Variants in WWC2 observed in about 807,000 individuals in gnomAD.
The protein encoded by WWC2 is WW and C2 domain containing 2.
WWC2 carries 101 observed loss-of-function variants against 138.5 expected under a neutral mutation model. That is an observed-to-expected ratio of 0.73 (90% CI 0.62 to 0.86). The LOEUF is 0.86. Among genes scored for constraint, WWC2 ranks in the 40% least tolerant of loss-of-function variants. The pLI, the probability that WWC2 is intolerant of heterozygous loss-of-function variation, is 0.00. For missense variants in WWC2, 1,420 were observed against 1,419.4 expected, an observed-to-expected ratio of 1.00 and a Z score of -0.01; for synonymous variants, 558 against 538.4, an observed-to-expected ratio of 1.04 and a Z score of -0.50.
intron 1 of WWC2, among the ~76,000 whole-genome samples, chr4:183,110,357 A>C (rs1242976165): frequency 6.6e-6 from 1 of 152,186 alleles, no homozygotes; most frequent in African/African-American, 2.4e-5. Context: ...ATGATCAAGC[A>C]AAAAATTATT....
At chr4:183,185,002 C>G (rs977645681) in intron 1 of WWC2, among the ~76,000 whole-genome samples, 16 of 152,164 alleles carry the variant, frequency 1.1e-4, no homozygotes, top group African/African-American at 3.9e-4. Flanking sequence ...TCTCCATCAC[C>G]TGGTTGGATT....
In WWC2 at chr4:183,279,584, C is replaced by T. The variant is rs374659550; in HGVS notation, c.2563-1192C>T. Among the ~76,000 whole-genome samples the T allele has an allele frequency of 4.0e-4, 61 of 152,210 alleles. No individual in the cohort carries two copies. The South Asian group carries it at 0.01, about 26-fold the overall frequency. ...TCCTCCTTGTACTTCTGGTAGAATT[C>T]GGCTGTGAATCCATCTGGTCCTGGA... On this transcript the variant is annotated intron_variant, in intron 16 of 22. Coordinates refer to ENST00000403733, the MANE Select transcript of WWC2 (RefSeq NM_024949.6).
chr4:183,280,625 T>A, intron 16 of WWC2, 151 bp from the exon 17 acceptor site: 2 of 891,462 alleles, frequency 2.2e-6, no homozygotes, highest in South Asian at 3.7e-5. Flanking sequence ...TTTGCTTGTT[T>A]TGGGTTCTAT....
intron 1 of WWC2, among the ~76,000 whole-genome samples, chr4:183,146,792 G>C (rs1459847798): frequency 6.6e-6 from 1 of 152,240 alleles, no homozygotes; most frequent in Non-Finnish European, 1.5e-5. Context: ...AAATGAGTTG[G>C]TGAAGCCAAA....
At chr4:183,247,795 T>C (rs1736848205) in intron 6 of WWC2, among the ~76,000 whole-genome samples, 1 of 138,586 alleles carries the variant, frequency 7.2e-6, no homozygotes, top group Non-Finnish European at 1.6e-5. Context: ...ATTATATATA[T>C]AGTATATAGT....
At chr4:183,308,639 T>C (rs1199196080) in intron 21 of WWC2, among the ~76,000 whole-genome samples, 2 of 152,202 alleles carry the variant, frequency 1.3e-5, no homozygotes, top group African/African-American at 2.4e-5. Flanking sequence ...AAGTCCTTTA[T>C]ATAATATGGT....
chr4:183,262,634 A>T (rs1296928829), intron 11 of WWC2, among the ~76,000 whole-genome samples: 1 of 152,190 alleles, frequency 6.6e-6, no homozygotes, highest in Non-Finnish European at 1.5e-5. Context: ...TCCTGGGGAG[A>T]TGTCAAAGCT....
At chr4:183,175,819 T>G in intron 1 of WWC2, among the ~76,000 whole-genome samples, 1 of 152,260 alleles carries the variant, frequency 6.6e-6, no homozygotes, top group Non-Finnish European at 1.5e-5. Context: ...TTTAATGGTT[T>G]GTTTTTCTAA....
chr4:183,282,825 G>A lies in WWC2; in HGVS notation c.2802G>A (p.Glu934=). 1 of 1,590,946 alleles carries A rather than the reference G, an allele frequency of 6.3e-7. No individual in the cohort carries two copies. Among genetic ancestry groups the A allele is most frequent in the Middle Eastern group, 1.7e-4 (1 of 6,032 alleles). ...EDLSSCTSVP[E]MNEDGNRKES... ...TAAGTTCATGCACTAGTGTGCCTGAGATGAATGAAGACGGGAACAGGAAAG... is the reference window on the plus strand; with the variant it reads ...TAAGTTCATGCACTAGTGTGCCTGAAATGAATGAAGACGGGAACAGGAAAG... Residue 934 remains glutamate, a synonymous_variant, in exon 18 of 23, where the codon GAG becomes GAA. Transcript: ENST00000403733.
At chr4:183,153,230 T>C (rs1007669729) in intron 1 of WWC2, among the ~76,000 whole-genome samples, 4 of 152,198 alleles carry the variant, frequency 2.6e-5, no homozygotes, top group Non-Finnish European at 5.9e-5. Context: ...TTTGGGACTT[T>C]TAGGCTGTTG....
intron 2 of WWC2, among the ~76,000 whole-genome samples, chr4:183,207,560 T>TGC (rs1735481176): frequency 6.6e-6 from 1 of 152,186 alleles, no homozygotes; most frequent in South Asian, 2.1e-4. Context: ...CTTTGATTAG[T>TGC]GCTGATGCAG....
intron 2 of WWC2, among the ~76,000 whole-genome samples, chr4:183,194,467 ATTATT>A (rs1400142819): frequency 1.3e-5 from 2 of 152,204 alleles, no homozygotes; most frequent in Admixed American, 1.3e-4. Flanking sequence ...CTTAAAAATA[ATTATT>A]TTATTTTTAT....
rs529225723 is a variant in WWC2, at chr4:183,133,055, T to TCTTTTTCTTTTTCCTTCCCTCTTCC, written c.131+33434_131+33435insTTTTTCTTTTTCCTTCCCTCTTCCC. 4.1e-3 allele frequency among the ~76,000 whole-genome samples: 603 copies of TCTTTTTCTTTTTCCTTCCCTCTTCC among 146,736 alleles called. 5 individuals carry two copies. The highest frequency in any genetic ancestry group is 0.015 in the African/African-American group (570 of 38,148). ...TCCTTTTCTTTTCCCTTCCCTTTTT[T>TCTTTTTCTTTTTCCTTCCCTCTTCC]CCTTTTCTTTTTCCTTCCCTCTTCC... On this transcript the variant is annotated intron_variant, in intron 1 of 22. Transcript: ENST00000403733.
At chr4:183,236,349 C>T (rs1057356715) in intron 4 of WWC2, among the ~76,000 whole-genome samples, 3 of 152,124 alleles carry the variant, frequency 2.0e-5, no homozygotes, top group Admixed American at 6.5e-5. Context: ...CCCAGAATCA[C>T]GGCAGACTCA....
chr4:183,099,736 C>G, intron 1 of WWC2, 114 bp downstream of exon 1: 1 of 1,058,322 alleles, frequency 9.4e-7, no homozygotes, highest in Non-Finnish European at 1.2e-6. Context: ...CGAGGGGTCC[C>G]GGGAGGGATG....
chr4:183,284,680 CT>C (rs1738190134), intron 19 of WWC2, among the ~76,000 whole-genome samples: 1 of 152,148 alleles, frequency 6.6e-6, no homozygotes, highest in Non-Finnish European at 1.5e-5. Context: ...GGACTTCGGT[CT>C]GTATTTAGAA....
At chr4:183,206,698 C>T (rs1013556113) in intron 2 of WWC2, among the ~76,000 whole-genome samples, 10 of 152,118 alleles carry the variant, frequency 6.6e-5, no homozygotes, top group African/African-American at 2.4e-4. Flanking sequence ...TCTTTCACAG[C>T]AGAGGGGTCC....
intron 21 of WWC2, among the ~76,000 whole-genome samples, chr4:183,302,611 G>A (rs1738883499): frequency 6.6e-6 from 1 of 152,154 alleles, no homozygotes; most frequent in Non-Finnish European, 1.5e-5. Context: ...TGAGAATTGG[G>A]AGGGAAAGTG....
At chr4:183,226,678 C>A (rs1423639623) in intron 4 of WWC2, among the ~76,000 whole-genome samples, 7 of 151,968 alleles carry the variant, frequency 4.6e-5, no homozygotes, top group Non-Finnish European at 1.0e-4. Flanking sequence ...AAACAAAAAA[C>A]ACCAAATCAG....
Sources: allele counts gnomAD v4.1 joint callset (sites outside exome capture counted in the v4.1 genomes callset), GRCh38; gene constraint gnomAD v4.1.1; transcripts MANE v1.5; gene names NCBI Gene and HGNC (gene_info 2026-07-23, HGNC 2026-07-21).